Variants in AMMECR1 observed in about 807,000 individuals in gnomAD.
The protein encoded by AMMECR1 is AMMECR nuclear protein 1.
In AMMECR1, 3 loss-of-function variants were observed where a neutral mutation model predicts 22.5. That is an observed-to-expected ratio of 0.13 (90% CI 0.06 to 0.35). The LOEUF (loss-of-function observed/expected upper bound fraction) is 0.35. AMMECR1 is among the 10% of genes least tolerant of loss of function. The probability of loss-of-function intolerance (pLI) is 1.00; values close to 1 mark genes in which losing one functional copy is unlikely to be tolerated. For missense variants in AMMECR1, 235 were observed against 278.7 expected, an observed-to-expected ratio of 0.84 and a Z score of 1.12; for synonymous variants, 130 against 116.7, an observed-to-expected ratio of 1.11 and a Z score of -0.74.
chrX:110,344,818 T>C (rs1250989985), intron 2 of AMMECR1, among the ~76,000 whole-genome samples: 1 of 111,275 alleles, frequency 9.0e-6, no homozygotes, highest in Non-Finnish European at 1.9e-5. Context: ...CCAGTTAGAA[T>C]GGCGATCATT....
intron 3 of AMMECR1, among the ~76,000 whole-genome samples, chrX:110,213,614 A>T (rs2067458013): frequency 8.9e-6 from 1 of 112,045 alleles, no homozygotes. Context: ...TTGGGTATAT[A>T]CCTAGAAGTG....
At chrX:110,229,850 T>A (rs1433878871) in intron 2 of AMMECR1, among the ~76,000 whole-genome samples, 1 of 112,647 alleles carries the variant, frequency 8.9e-6, no homozygotes, top group African/African-American at 3.2e-5. Context: ...ACAAGGTGAT[T>A]CTCTCCCGTG....
In AMMECR1 at chrX:110,220,186, A is replaced by T. The variant is rs1030431452; in HGVS notation, c.585-3554T>A. 8.0e-5 allele frequency among the ~76,000 whole-genome samples: 9 copies of T among 112,208 alleles called. No homozygotes were observed. In the East Asian group the frequency reaches 2.5e-3, roughly 31 times the overall value. On this transcript the variant is annotated intron_variant, in intron 2 of 5. Transcript: ENST00000262844. ...AAGTTAATGACAAGGGTAGGGATACAACTGAGATTTTCTGACTCAAGTCCA... is the reference window on the plus strand; with the variant it reads ...AAGTTAATGACAAGGGTAGGGATACTACTGAGATTTTCTGACTCAAGTCCA...
chrX:110,307,871 T>C (rs999445215), intron 1 of AMMECR1, among the ~76,000 whole-genome samples: 8 of 86,120 alleles, frequency 9.3e-5, no homozygotes, highest in East Asian at 3.3e-4. Context: ...TTTCTTTTTT[T>C]TTTTTTTTTT....
chrX:110,277,741 T>C (rs1375530477), intron 1 of AMMECR1, among the ~76,000 whole-genome samples: 1 of 111,335 alleles, frequency 9.0e-6, no homozygotes, highest in African/African-American at 3.3e-5. Flanking sequence ...AATTTCATAC[T>C]GAGAACTCTA....
intron 2 of AMMECR1, chrX:110,219,431 T>C (rs2067490037): frequency 1.3e-6 from 1 of 750,702 alleles, no homozygotes; most frequent in Non-Finnish European, 1.6e-6. Context: ...TCTCAATACT[T>C]TGAGGCAAGT....
chrX:110,350,885 T>C (rs1291198366), intron 2 of AMMECR1, among the ~76,000 whole-genome samples: 2 of 110,097 alleles, frequency 1.8e-5, no homozygotes, highest in Non-Finnish European at 3.8e-5. Flanking sequence ...AGGCAGGAGG[T>C]TCACTTGAGC....
intron 1 of AMMECR1, among the ~76,000 whole-genome samples, chrX:110,303,818 A>C (rs1033962934): frequency 8.9e-6 from 1 of 112,348 alleles, no homozygotes; most frequent in Admixed American, 9.5e-5. Context: ...TCCTGAGTAT[A>C]CTGATACAAT....
chrX:110,390,207 T>C (rs2068485358), intron 2 of AMMECR1, among the ~76,000 whole-genome samples: 1 of 111,994 alleles, frequency 8.9e-6, no homozygotes, highest in South Asian at 3.7e-4. Flanking sequence ...ACTGAATTCC[T>C]ACAAGGTACA....
intron 2 of AMMECR1, among the ~76,000 whole-genome samples, chrX:110,336,074 C>A (rs2068140030): frequency 9.0e-6 from 1 of 111,672 alleles, no homozygotes; most frequent in African/African-American, 3.3e-5. Context: ...AGGTTGCTCT[C>A]TTGGAAGTGC....
chrX:110,273,570 A>T (rs930110152), intron 1 of AMMECR1, among the ~76,000 whole-genome samples: 1 of 112,360 alleles, frequency 8.9e-6, no homozygotes, highest in Non-Finnish European at 1.9e-5. Context: ...AAAAATGTCC[A>T]GAAGAGTTTT....
chrX:110,322,423 A>C (rs1056132998), upstream of AMMECR1, among the ~76,000 whole-genome samples: 1 of 111,817 alleles, frequency 8.9e-6, no homozygotes, highest in Non-Finnish European at 1.9e-5. Flanking sequence ...TTTTTAAAAG[A>C]AGAATTCATC....
At chrX:110,399,198 G>T (rs1266455268) in intron 2 of AMMECR1, among the ~76,000 whole-genome samples, 1 of 112,429 alleles carries the variant, frequency 8.9e-6, no homozygotes, top group Non-Finnish European at 1.9e-5. Flanking sequence ...ACTCTCCTAA[G>T]CACATTCCAC....
At position 110,258,459 on chromosome X, in the gene AMMECR1, A is replaced by G. The variant is rs1042543185; in HGVS notation, c.584+6030T>C. On this transcript the variant is annotated intron_variant, in intron 2 of 5. Transcript: ENST00000262844. ...AAGAGCGTACAACAACCTAGGTTCCAAACTGTACCTTAAATTAAGTGCCTA... is the reference window on the plus strand; with the variant it reads ...AAGAGCGTACAACAACCTAGGTTCCGAACTGTACCTTAAATTAAGTGCCTA... Among the ~76,000 whole-genome samples the G allele has an allele frequency of 4.5e-5, 5 of 111,926 alleles. No individual in the cohort carries two copies. In the Admixed American group the frequency reaches 4.8e-4, roughly 11 times the overall value.
At chrX:110,358,581 C>T (rs771449516) in intron 2 of AMMECR1, among the ~76,000 whole-genome samples, 1 of 111,220 alleles carries the variant, frequency 9.0e-6, no homozygotes, top group African/African-American at 3.3e-5. Flanking sequence ...TTTACAGAGC[C>T]CTGATTCAAA....
At chrX:110,312,896 A>AGT (rs2068030167) in intron 1 of AMMECR1, among the ~76,000 whole-genome samples, 1 of 112,705 alleles carries the variant, frequency 8.9e-6, no homozygotes, top group South Asian at 3.6e-4. Context: ...CCGTTATGTT[A>AGT]GTGTGGATAA....
At chrX:110,254,821 A>T (rs1009383729) in intron 2 of AMMECR1, among the ~76,000 whole-genome samples, 1 of 112,043 alleles carries the variant, frequency 8.9e-6, no homozygotes, top group Non-Finnish European at 1.9e-5. Flanking sequence ...AAAGGACTGC[A>T]ACAACAAACT....
chrX:110,219,482 A>AAGTTTT (rs772208259), intron 2 of AMMECR1: 1 of 751,689 alleles, frequency 1.3e-6, no homozygotes, highest in East Asian at 1.5e-4. Context: ...AATAAAAGAT[A>AAGTTTT]AGTTTTAGCT....
intron 2 of AMMECR1, among the ~76,000 whole-genome samples, chrX:110,222,074 G>A (rs1371523824): frequency 9.2e-6 from 1 of 108,780 alleles, no homozygotes; most frequent in East Asian, 2.9e-4. Context: ...AATACCATTT[G>A]ACCCAGCCAT....
Sources: gnomAD v4.1 joint callset for allele counts (sites outside exome capture counted in the v4.1 genomes callset) on GRCh38, gnomAD v4.1.1 for gene constraint, MANE v1.5 for transcripts, NCBI Gene and HGNC (gene_info 2026-07-23, HGNC 2026-07-21) for gene names.